The following AMPH variants were observed in gnomAD, a reference collection of about 807,000 sequenced individuals.
The protein encoded by AMPH is amphiphysin (Stiff-Mann syndrome with breast cancer 128kD autoantigen).
Under a neutral mutation model 99.1 loss-of-function variants are expected in AMPH, and 49 were observed. The ratio of observed to expected loss-of-function variants is 0.49; its 90% CI spans 0.39 to 0.63. The LOEUF (loss-of-function observed/expected upper bound fraction) is 0.63. AMPH is among the 20% of genes least tolerant of loss of function. AMPH has a pLI of 0.00. For missense variants in AMPH, 759 were observed against 863.4 expected, an observed-to-expected ratio of 0.88 and a Z score of 1.52; for synonymous variants, 314 against 317.3, an observed-to-expected ratio of 0.99 and a Z score of 0.11.
At chr7:38,610,331 GAAAAAA>G (rs1793615121) in intron 1 of AMPH, among the ~76,000 whole-genome samples, 1 of 36,568 alleles carries the variant, frequency 2.7e-5, no homozygotes, top group African/African-American at 1.5e-4. Context: ...GAAAAGAAAA[GAAAAAA>G]GAAAAGAAAA....
chr7:38,545,199 T>G (rs2129044207), intron 1 of AMPH, among the ~76,000 whole-genome samples: 1 of 152,336 alleles, frequency 6.6e-6, no homozygotes, highest in South Asian at 2.1e-4. Context: ...TTCTCACATT[T>G]GAGCAGACTT....
intron 17 of AMPH, among the ~76,000 whole-genome samples, chr7:38,410,744 CCCATATT>C (rs760103252): frequency 1.3e-5 from 2 of 152,174 alleles, no homozygotes; most frequent in African/African-American, 2.4e-5. Context: ...CAGTTAGTTC[CCCATATT>C]CCTAATTCAA....
chr7:38,548,006 T>A (rs987989947), intron 1 of AMPH, among the ~76,000 whole-genome samples: 7 of 151,034 alleles, frequency 4.6e-5, no homozygotes, highest in African/African-American at 1.7e-4. Flanking sequence ...CTTTGCCTAC[T>A]AGGAATTTCC....
chr7:38,540,457 A>C (rs1247839160), intron 1 of AMPH, among the ~76,000 whole-genome samples: 5 of 152,046 alleles, frequency 3.3e-5, no homozygotes, highest in Non-Finnish European at 4.4e-5. Flanking sequence ...GCAAGTAAAA[A>C]AGTAAATAGG....
chr7:38,463,947 A>C (rs538159096), intron 9 of AMPH: 1 of 690,888 alleles, frequency 1.4e-6, no homozygotes, highest in Non-Finnish European at 2.2e-6. Context: ...TGGTCTACAT[A>C]TTCAAAGGGC....
chr7:38,553,202 T>C (rs1444633341), intron 1 of AMPH, among the ~76,000 whole-genome samples: 1 of 152,260 alleles, frequency 6.6e-6, no homozygotes, highest in Non-Finnish European at 1.5e-5. Flanking sequence ...TTGCAGTGGT[T>C]ATAGCTTCAT....
chr7:38,467,640 A>ACGTGTGTG (rs139855309), intron 7 of AMPH, among the ~76,000 whole-genome samples: 1 of 148,732 alleles, frequency 6.7e-6, no homozygotes, highest in East Asian at 2.0e-4. Flanking sequence ...CAATGGAAAT[A>ACGTGTGTG]TGTGTGTGTG....
intron 1 of AMPH, among the ~76,000 whole-genome samples, chr7:38,592,201 G>A (rs753089994): frequency 4.6e-5 from 7 of 152,204 alleles, no homozygotes; most frequent in South Asian, 4.1e-4. Context: ...GCCTTTAAGC[G>A]GTTTTCCACC....
chr7:38,453,898 AAGC>A (rs1203674562), intron 11 of AMPH, among the ~76,000 whole-genome samples: 1 of 152,226 alleles, frequency 6.6e-6, no homozygotes, highest in African/African-American at 2.4e-5. Context: ...AAAGAGAATG[AAGC>A]TGGGCAGTAG....
chr7:38,571,416 AT>A (rs1315776809), intron 1 of AMPH, among the ~76,000 whole-genome samples: 2 of 67,792 alleles, frequency 3.0e-5, no homozygotes, highest in African/African-American at 1.2e-4. Flanking sequence ...GAATATATAT[AT>A]TTATATATAG....
At chr7:38,483,166 G>A (rs1286964439) in intron 5 of AMPH, among the ~76,000 whole-genome samples, 1 of 152,026 alleles carries the variant, frequency 6.6e-6, no homozygotes, top group Non-Finnish European at 1.5e-5. Flanking sequence ...CTACCCAAGG[G>A]AGTGCCTTCT....
chr7:38,386,136 C>T (rs959420775), intron 20 of AMPH, among the ~76,000 whole-genome samples: 5 of 151,898 alleles, frequency 3.3e-5, no homozygotes, highest in South Asian at 2.1e-4. Context: ...GGAAAAAAAC[C>T]GCTGAGGAAA....
Position 38,612,084 on chromosome 7 carries a change from C to CTTTTTTT in AMPH, c.69+19198_69+19199insAAAAAAA, listed in dbSNP as rs777855014. 1.5e-3 allele frequency among the ~76,000 whole-genome samples: 135 copies of CTTTTTTT among 90,872 alleles called. 6 individuals are homozygous for CTTTTTTT. The highest frequency in any genetic ancestry group is 2.1e-3 in the Non-Finnish European group (97 of 47,226). 59.6% of individuals were successfully genotyped at this position (90,872 alleles called of 152,430 possible). A position where few individuals can be genotyped will look rare whatever the true frequency, so the allele number is the denominator to read the frequency against. The stretch of plus-strand genomic sequence containing the variant: ...ACTGCTAAGACTGATTTTTTGTCTT[C>CTTTTTTT]TTCTTTTTTTTTTTTTTTTTTTTTG... On this transcript the variant is annotated intron_variant, in intron 1 of 20. Coordinates refer to ENST00000356264, the MANE Select transcript of AMPH (RefSeq NM_001635.4).
chr7:38,574,918 G>A (rs899641971), intron 1 of AMPH, among the ~76,000 whole-genome samples: 8 of 151,924 alleles, frequency 5.3e-5, no homozygotes, highest in African/African-American at 1.9e-4. Flanking sequence ...GCTGGGCATG[G>A]TGGCACACAC....
At chr7:38,439,023 T>G (rs966378164) in intron 11 of AMPH, among the ~76,000 whole-genome samples, 1 of 152,158 alleles carries the variant, frequency 6.6e-6, no homozygotes, top group Non-Finnish European at 1.5e-5. Context: ...ATGGGGGTAG[T>G]TTCCCCAATG....
intron 2 of AMPH, among the ~76,000 whole-genome samples, chr7:38,504,753 A>G (rs1190670871): frequency 3.3e-5 from 5 of 152,244 alleles, no homozygotes; most frequent in African/African-American, 1.2e-4. Flanking sequence ...GCCCTCAGGC[A>G]AAGAGTTGCC....
chr7:38,525,241 T>C (rs1790120767), intron 2 of AMPH, among the ~76,000 whole-genome samples: 1 of 142,774 alleles, frequency 7.0e-6, no homozygotes, highest in East Asian at 2.0e-4. Context: ...TGTATATATG[T>C]AGTTGTGTGT....
intron 11 of AMPH, among the ~76,000 whole-genome samples, chr7:38,444,229 A>G (rs1423227342): frequency 2.0e-5 from 3 of 152,210 alleles, no homozygotes; most frequent in Admixed American, 2.0e-4. Context: ...CAGATGACTC[A>G]CATATCATTG....
intron 1 of AMPH, among the ~76,000 whole-genome samples, chr7:38,546,429 A>G (rs1304447902): frequency 6.6e-6 from 1 of 152,156 alleles, no homozygotes; most frequent in African/African-American, 2.4e-5. Context: ...AAAATTAAAC[A>G]CTATTTTGTA....
Sources: allele counts gnomAD v4.1 joint callset (sites outside exome capture counted in the v4.1 genomes callset), GRCh38; gene constraint gnomAD v4.1.1; transcripts MANE v1.5; gene names NCBI Gene and HGNC (gene_info 2026-07-23, HGNC 2026-07-21).